Variants in TMPRSS12 observed in about 807,000 individuals in gnomAD.
The protein encoded by TMPRSS12 is transmembrane serine protease 12, also known as transmembrane protease serine 12.
A neutral mutation model predicts 26.0 loss-of-function variants in TMPRSS12; 25 were observed. That is an observed-to-expected ratio of 0.96 (90% CI 0.70 to 1.34). The LOEUF (loss-of-function observed/expected upper bound fraction) is 1.34, where lower values mean the gene tolerates loss of function less well. Ranked by LOEUF, TMPRSS12 falls within the 40% of genes most tolerant of loss-of-function variation. The pLI is 0.00. For synonymous variants in TMPRSS12, 150 were observed against 161.7 expected, an observed-to-expected ratio of 0.93 and a Z score of 0.55; for missense variants, 441 against 440.1, an observed-to-expected ratio of 1.00 and a Z score of -0.02.
intron 3 of TMPRSS12, among the ~76,000 whole-genome samples, chr12:50,860,764 C>T (rs1030012952): frequency 2.6e-5 from 4 of 152,122 alleles, no homozygotes; most frequent in African/African-American, 9.7e-5. Flanking sequence ...CATGTGCCAC[C>T]ATGCCCAGCT....
At chr12:50,861,965 A>C (rs1412143968) in intron 3 of TMPRSS12, among the ~76,000 whole-genome samples, 2 of 152,050 alleles carry the variant, frequency 1.3e-5, no homozygotes. Flanking sequence ...ACGTGCCACC[A>C]CACTCGGCTA....
At chr12:50,884,819 C>A (rs1377819631) in intron 3 of TMPRSS12, among the ~76,000 whole-genome samples, 1 of 151,744 alleles carries the variant, frequency 6.6e-6, no homozygotes, top group East Asian at 1.9e-4. Context: ...TTGTAGTGAG[C>A]CGAGATCACG....
intron 3 of TMPRSS12, among the ~76,000 whole-genome samples, chr12:50,872,095 C>A (rs1004771374): frequency 2.0e-5 from 3 of 152,166 alleles, no homozygotes; most frequent in African/African-American, 7.2e-5. Context: ...TACTGGGTAT[C>A]TACCCAGAAG....
intron 4 of TMPRSS12, chr12:50,886,041 T>G (rs1938223261): frequency 6.6e-6 from 1 of 152,262 alleles, no homozygotes; most frequent in African/African-American, 2.4e-5. Flanking sequence ...AATTTGCATT[T>G]CCTTAATGAC....
At chr12:50,879,500 C>T (rs150639084) in intron 3 of TMPRSS12, among the ~76,000 whole-genome samples, 2 of 152,302 alleles carry the variant, frequency 1.3e-5, no homozygotes, top group African/African-American at 2.4e-5. Context: ...TTCCTTATTA[C>T]GTTTTTGTTG....
rs369479040 is a variant in TMPRSS12 at position 50,864,114 on chromosome 12, T to C, written c.652+5061T>C. On this transcript the variant is annotated intron_variant, in intron 3 of 4. Coordinates refer to ENST00000398458, the MANE Select transcript of TMPRSS12 (RefSeq NM_182559.3). Reference sequence around the variant, plus strand: ...CTAGAAATTCCCTCTCCCCAAAATATGTAACTATAAATACCACTCACACGG... The same window carrying C: ...CTAGAAATTCCCTCTCCCCAAAATACGTAACTATAAATACCACTCACACGG... 2.6e-5 allele frequency among the ~76,000 whole-genome samples: 4 copies of C among 152,194 alleles called. No individual in the cohort carries two copies. In the East Asian group the frequency reaches 7.7e-4, roughly 29 times the overall value.
intron 3 of TMPRSS12, among the ~76,000 whole-genome samples, chr12:50,882,052 G>T (rs1273148956): frequency 5.4e-5 from 6 of 111,802 alleles, no homozygotes; most frequent in South Asian, 5.8e-4. Flanking sequence ...TGTTTATTTA[G>T]TTAGTTAGTT....
chr12:50,884,563 C>G (rs1938204714), intron 3 of TMPRSS12, among the ~76,000 whole-genome samples: 1 of 152,036 alleles, frequency 6.6e-6, no homozygotes, highest in Admixed American at 6.6e-5. Context: ...TCGTACTTTG[C>G]TAGTGGGAAT....
chr12:50,843,933 G>A lies in TMPRSS12; in HGVS notation c.279G>A (p.Val93=), dbSNP rs768575947. 5.0e-6 allele frequency: 8 copies of A among 1,594,190 alleles called. No individual in the cohort carries two copies. The South Asian group carries it at 9.1e-5, about 18-fold the overall frequency. Residue 93 remains valine (V), a synonymous_variant, in exon 2 of 5, where the codon GTG becomes GTA. Transcript: ENST00000398458. The part of the protein sequence containing the change: ...EAQAGAWPWV[V]SLQIKYGRVL... ...AAGCTGGCGCATGGCCGTGGGTGGT[G>A]AGCCTGCAGATTAAATATGGCCGTG... is the stretch of plus-strand genomic sequence containing the variant.
At chr12:50,855,980 T>C (rs1216230592) in intron 2 of TMPRSS12, among the ~76,000 whole-genome samples, 2 of 152,176 alleles carry the variant, frequency 1.3e-5, no homozygotes, top group African/African-American at 4.8e-5. Context: ...TTACATGTTG[T>C]TATCTCTCAT....
rs184055041 is a variant in TMPRSS12, at chr12:50,874,898, A to G, written c.653-10348A>G. 1.4e-3 allele frequency among the ~76,000 whole-genome samples: 213 copies of G among 152,322 alleles called. 1 individual carries two copies. The highest frequency in any genetic ancestry group is 2.3e-3 in the Non-Finnish European group (155 of 68,028). Reference sequence around the variant, plus strand: ...CTCACCAAGGAGGCGAAAGATCTCTACAAGGAGAACTACAAAATGCTGCTG... The same window carrying G: ...CTCACCAAGGAGGCGAAAGATCTCTGCAAGGAGAACTACAAAATGCTGCTG... On this transcript the variant is annotated intron_variant, in intron 3 of 4. Transcript: ENST00000398458.
At chr12:50,883,474 G>C (rs1474314762) in intron 3 of TMPRSS12, among the ~76,000 whole-genome samples, 1 of 152,058 alleles carries the variant, frequency 6.6e-6, no homozygotes, top group Non-Finnish European at 1.5e-5. Context: ...AATTGCTTGG[G>C]CCCATTCAAG....
intron 1 of TMPRSS12, 30 bp downstream of exon 1, chr12:50,843,181 A>T: frequency 6.6e-7 from 1 of 1,518,246 alleles, no homozygotes. Context: ...GTCTCTGGGG[A>T]GCCTCTCTTA....
chr12:50,875,314 A>C (rs1365889320), intron 3 of TMPRSS12, among the ~76,000 whole-genome samples: 1 of 151,872 alleles, frequency 6.6e-6, no homozygotes, highest in East Asian at 1.9e-4. Context: ...ATATGGTTCT[A>C]ACCTCGTCTC....
At chr12:50,884,879 A>T (rs745395238) in intron 3 of TMPRSS12, among the ~76,000 whole-genome samples, 34 of 69,160 alleles carry the variant, frequency 4.9e-4, no homozygotes, top group Middle Eastern at 7.7e-3. Flanking sequence ...CTCAAAAATT[A>T]AAAAAAAAAA....
chr12:50,851,126 C>G lies in TMPRSS12; in HGVS notation c.383+7089C>G, dbSNP rs749789812. Reference sequence around the variant, plus strand: ...GATGAGAAAGAACCAGCACAAGAACCCTGGCAACCCAAAAAGCCAGAGTTT... The same window carrying G: ...GATGAGAAAGAACCAGCACAAGAACGCTGGCAACCCAAAAAGCCAGAGTTT... On this transcript the variant is annotated intron_variant, in intron 2 of 4. Coordinates refer to ENST00000398458, the MANE Select transcript of TMPRSS12 (RefSeq NM_182559.3). 3.3e-5 allele frequency among the ~76,000 whole-genome samples: 5 copies of G among 152,304 alleles called. No individual in the cohort carries two copies. In the South Asian group the frequency reaches 6.2e-4, roughly 19 times the overall value.
Position 50,877,558 on chromosome 12 carries a change from A to C in TMPRSS12, c.653-7688A>C, listed in dbSNP as rs1592224442. Among the ~76,000 whole-genome samples the C allele has an allele frequency of 3.3e-5, 5 of 152,242 alleles. No individual in the cohort carries two copies. In the South Asian group the frequency reaches 1.0e-3, roughly 31 times the overall value. ...GTCTATACTTGCAATAAACTATCTG[A>C]AAACAAAATTTAAGAACACAATTCC... On this transcript the variant is annotated intron_variant, in intron 3 of 4. Transcript: ENST00000398458.
In TMPRSS12 at chr12:50,861,879, G is replaced by A. The variant is rs186381497; in HGVS notation, c.652+2826G>A. ...GGCTGGAGTGCAGTGGCGCAATCTC[G>A]GCTCATTGCAACCTTTGCCTCTTGG... On this transcript the variant is annotated intron_variant, in intron 3 of 4. Transcript: ENST00000398458. 1.2e-3 allele frequency among the ~76,000 whole-genome samples: 181 copies of A among 150,868 alleles called. 1 individual carries two copies. The highest frequency in any genetic ancestry group is 4.2e-3 in the African/African-American group (173 of 41,006).
At chr12:50,859,771 T>C (rs979239083) in intron 3 of TMPRSS12, among the ~76,000 whole-genome samples, 7 of 152,210 alleles carry the variant, frequency 4.6e-5, no homozygotes, top group African/African-American at 7.2e-5. Flanking sequence ...GGCTATACCA[T>C]CTACCCTAGG....
Sources: gnomAD v4.1 joint callset for allele counts (sites outside exome capture counted in the v4.1 genomes callset) on GRCh38, gnomAD v4.1.1 for gene constraint, MANE v1.5 for transcripts, NCBI Gene and HGNC (gene_info 2026-07-23, HGNC 2026-07-21) for gene names.